The following CCNT2 variants were observed in gnomAD, a reference collection of about 807,000 sequenced individuals.
The protein encoded by CCNT2 is cyclin T2, also known as cyclin-T2.
CCNT2 carries 18 observed loss-of-function variants against 70.0 expected under a neutral mutation model. The observed-to-expected ratio is 0.26, with a 90% CI of 0.18 to 0.38. CCNT2 has a LOEUF of 0.38. CCNT2 is among the 10% of genes least tolerant of loss of function. The pLI, the probability that CCNT2 is intolerant of heterozygous loss-of-function variation, is 1.00. For missense variants in CCNT2, 734 were observed against 890.2 expected (o/e 0.82, Z 2.23); for synonymous variants, 334 against 313.3 (o/e 1.07, Z -0.70).
Position 134,947,982 on chromosome 2 carries a change from C to T in CCNT2, c.703+83C>T, listed in dbSNP as rs45542542. The T allele has an allele frequency of 3.2e-3, 2,339 of 732,750 alleles. 52 individuals carry two copies. In the African/African-American group the frequency reaches 0.038, roughly 12 times the overall value. The allele number at this position is 732,750 out of a possible 1,614,324, so 45.4% of individuals were successfully genotyped here. On this transcript the variant is annotated intron_variant, in intron 7 of 8. Transcript: ENST00000264157. ...ATTGACAATAGAAAGTGTCAGTACA[C>T]TATCAGATGAACAGAATGAAAACAA... is the stretch of plus-strand genomic sequence containing the variant.
intron 4 of CCNT2, among the ~76,000 whole-genome samples, chr2:134,941,282 G>A (rs1270056012): frequency 1.3e-5 from 2 of 152,148 alleles, no homozygotes; most frequent in African/African-American, 4.8e-5. Context: ...TACTCTGTAT[G>A]GAGACCTTTA....
intron 5 of CCNT2, chr2:134,943,192 G>A: frequency 4.4e-6 from 3 of 677,696 alleles, no homozygotes; most frequent in Non-Finnish European, 5.5e-6. Context: ...CTTGAGCTCA[G>A]GAGTTCGAGA....
At chr2:134,931,598 G>A (rs938155463) in intron 2 of CCNT2, among the ~76,000 whole-genome samples, 6 of 152,092 alleles carry the variant, frequency 3.9e-5, no homozygotes, top group African/African-American at 9.7e-5. Flanking sequence ...TACAAAAGAA[G>A]CTGGGATTTT....
intron 5 of CCNT2, chr2:134,943,503 A>G (rs1681721889): frequency 1.0e-6 from 1 of 985,058 alleles, no homozygotes; most frequent in Non-Finnish European, 1.2e-6. Context: ...GACATTACTA[A>G]AAGTGGTTTC....
chr2:134,919,961 G>A, intron 2 of CCNT2, 70 bp downstream of exon 2: 2 of 1,043,280 alleles, frequency 1.9e-6, no homozygotes, highest in South Asian at 1.3e-5. Flanking sequence ...AAAAAAGTTG[G>A]TCATTGCGTT....
intron 2 of CCNT2, 187 bp downstream of exon 2, chr2:134,920,078 C>T (rs1429547934): frequency 1.4e-5 from 7 of 518,454 alleles, no homozygotes; most frequent in Non-Finnish European, 2.4e-5. Context: ...AATTAAACTG[C>T]AAGGCACTGT....
At chr2:134,943,673 G>T in intron 5 of CCNT2, 1 of 984,850 alleles carries the variant, frequency 1.0e-6, no homozygotes. Flanking sequence ...ACTCCTAAAT[G>T]AATCCTATAT....
At chr2:134,947,658 C>T in intron 6 of CCNT2, 78 bp from the exon 7 acceptor site, 1 of 1,135,236 alleles carries the variant, frequency 8.8e-7, no homozygotes, top group Non-Finnish European at 1.2e-6. Context: ...TTGCTCTAAT[C>T]TTACTGGTAA....
intron 4 of CCNT2, among the ~76,000 whole-genome samples, chr2:134,942,005 A>T (rs1449972912): frequency 6.6e-6 from 1 of 152,124 alleles, no homozygotes; most frequent in Non-Finnish European, 1.5e-5. Context: ...AAACCCTGCC[A>T]CACCTAAGGG....
At chr2:134,945,872 A>G (rs1345758760) in intron 5 of CCNT2, 1 of 1,504,312 alleles carries the variant, frequency 6.6e-7, no homozygotes, top group East Asian at 2.6e-5. Context: ...CTAAAAGCAA[A>G]TCGGCTTGTT....
chr2:134,953,842 C>G lies in CCNT2; in HGVS notation c.1387C>G (p.Gln463Glu), dbSNP rs762344665. Residue 463 changes from glutamine (Q) to glutamate (E), a missense_variant, in exon 9 of 9, where the codon CAG becomes GAG. This residue lies in a region of CCNT2 where 532 missense variants were observed against 556.9 expected (regional missense o/e 0.96). Coordinates refer to ENST00000264157, the MANE Select transcript of CCNT2 (RefSeq NM_058241.3). ...RDHYIAAQVE[Q>E]QHKQGQSQAA... ...TCATTATATAGCTGCCCAGGTAGAACAGCAGCACAAACAAGGGCAGTCACA... is the reference window on the plus strand; with the variant it reads ...TCATTATATAGCTGCCCAGGTAGAAGAGCAGCACAAACAAGGGCAGTCACA... The G allele has an allele frequency of 2.5e-6, 4 of 1,613,874 alleles. No individual in the cohort carries two copies. Among genetic ancestry groups the G allele is most frequent in the Non-Finnish European group, 3.4e-6 (4 of 1,179,934 alleles).
chr2:134,926,414 C>T (rs903525824), intron 2 of CCNT2, among the ~76,000 whole-genome samples: 2 of 152,166 alleles, frequency 1.3e-5, no homozygotes, highest in African/African-American at 4.8e-5. Flanking sequence ...CTTTTCCCTT[C>T]TTCCTATCTT....
intron 2 of CCNT2, among the ~76,000 whole-genome samples, chr2:134,923,093 C>A (rs1573772571): frequency 6.6e-6 from 1 of 151,954 alleles, no homozygotes; most frequent in East Asian, 1.9e-4. Context: ...CCAGCCTGGC[C>A]AATATGATGA....
At position 134,953,633 on chromosome 2, in the gene CCNT2, T is replaced by C; in HGVS notation, c.1178T>C (p.Leu393Ser). The part of the protein sequence containing the change: ...QGPSISLHSG[L>S]HHRPDKISDH... ...CCTTCTATATCACTGCATTCAGGATTACATCACAGACCTGACAAAATTTCA... is the reference window on the plus strand; with the variant it reads ...CCTTCTATATCACTGCATTCAGGATCACATCACAGACCTGACAAAATTTCA... Residue 393 changes from leucine (L) to serine (S), a missense_variant, in exon 9 of 9, where the codon TTA becomes TCA. Leu to Ser is a moderately radical substitution (Grantham distance 145). Transcript: ENST00000264157. The C allele has an allele frequency of 6.2e-7, 1 of 1,614,152 alleles. No individual in the cohort carries two copies. Among genetic ancestry groups the C allele is most frequent in the Non-Finnish European group, 8.5e-7 (1 of 1,180,010 alleles).
chr2:134,927,563 G>A (rs1377009727), intron 2 of CCNT2, among the ~76,000 whole-genome samples: 1 of 152,128 alleles, frequency 6.6e-6, no homozygotes, highest in East Asian at 1.9e-4. Context: ...AATGTGCATT[G>A]AGTGTTTGCA....
intron 2 of CCNT2, among the ~76,000 whole-genome samples, chr2:134,929,417 T>G (rs1643083136): frequency 6.6e-6 from 1 of 151,580 alleles, no homozygotes; most frequent in African/African-American, 2.4e-5. Context: ...CCTGGGCAAC[T>G]TGGCGAGACC....
rs565510440 is a variant in CCNT2, at chr2:134,929,513, C to T, written c.241-7328C>T. 3.3e-5 allele frequency among the ~76,000 whole-genome samples: 5 copies of T among 151,090 alleles called. No homozygotes were observed. In the South Asian group the frequency reaches 1.1e-3, roughly 32 times the overall value. Reference sequence around the variant, plus strand: ...GTCCCAGCTACTTGGGAGGCTGAGGCAGGAAAATCGCTTGAGCCCAGGAGG... The same window carrying T: ...GTCCCAGCTACTTGGGAGGCTGAGGTAGGAAAATCGCTTGAGCCCAGGAGG... On this transcript the variant is annotated intron_variant, in intron 2 of 8. Transcript: ENST00000264157.
intron 4 of CCNT2, among the ~76,000 whole-genome samples, chr2:134,940,741 T>C (rs1253694782): frequency 6.6e-6 from 1 of 152,146 alleles, no homozygotes; most frequent in Non-Finnish European, 1.5e-5. Context: ...TTTTACCGTA[T>C]TTAGTGCGAT....
intron 2 of CCNT2, among the ~76,000 whole-genome samples, chr2:134,926,796 G>A (rs1308227360): frequency 1.3e-5 from 2 of 152,206 alleles, no homozygotes. Flanking sequence ...TGATTTGGTT[G>A]TAGCTATCCA....
Sources: allele counts gnomAD v4.1 joint callset (sites outside exome capture counted in the v4.1 genomes callset), GRCh38; gene constraint gnomAD v4.1.1; regional missense constraint gnomAD v4.1.1; transcripts MANE v1.5; gene names NCBI Gene and HGNC (gene_info 2026-07-23, HGNC 2026-07-21).